Variants in PLAUR observed in about 807,000 individuals in gnomAD.
PLAUR encodes the protein plasminogen activator, urokinase receptor, also known as urokinase plasminogen activator surface receptor.
PLAUR carries 22 observed loss-of-function variants against 33.4 expected under a neutral mutation model. That is an observed-to-expected ratio of 0.66 (90% confidence interval 0.47 to 0.94). The LOEUF is 0.94. Ranked by LOEUF, PLAUR falls within the 40% of genes least tolerant of loss-of-function variation. PLAUR has a pLI of 0.00. For missense variants in PLAUR, 408 were observed against 434.7 expected, an observed-to-expected ratio of 0.94 and a Z score of 0.55; for synonymous variants, 148 against 167.3, an observed-to-expected ratio of 0.88 and a Z score of 0.89.
rs34689348 is a variant in PLAUR, at chr19:43,655,276, C to CAAAA, written c.607+159_607+162dup. Among the ~76,000 whole-genome samples, 166 of 66,166 alleles carry CAAAA rather than the reference C, an allele frequency of 2.5e-3. 5 individuals carry two copies. Among genetic ancestry groups the CAAAA allele is most frequent in the African/African-American group, 9.1e-3 (151 of 16,680 alleles). 43.4% of individuals were successfully genotyped at this position (66,166 alleles called of 152,430 possible). A position where few individuals can be genotyped will look rare whatever the true frequency, so the allele number is the denominator to read the frequency against. ...TGGGCAACAGAGTGAGACTCCGTCT[C>CAAAA]AAAAAAAAAAAAAAAAAAAAAAAGG... On this transcript the variant is annotated intron_variant, in intron 5 of 6. Transcript: ENST00000340093.
At chr19:43,669,495 G>T (rs899444817) in intron 1 of PLAUR, among the ~76,000 whole-genome samples, 6 of 152,130 alleles carry the variant, frequency 3.9e-5, no homozygotes, top group African/African-American at 1.4e-4. Context: ...CAAGGAAGAG[G>T]CTTCGAAGAA....
intron 1 of PLAUR, among the ~76,000 whole-genome samples, chr19:43,669,349 G>T (rs1967418678): frequency 6.6e-6 from 1 of 152,132 alleles, no homozygotes; most frequent in Non-Finnish European, 1.5e-5. Flanking sequence ...GGAGAGCGCT[G>T]GGGGGCGCTG....
chr19:43,649,016 G>A lies in PLAUR; in HGVS notation c.882C>T (p.Asn294=). 1 of 1,614,224 alleles carries A rather than the reference G, an allele frequency of 6.2e-7. No individual in the cohort carries two copies. The highest frequency in any genetic ancestry group is 1.1e-5 in the South Asian group (1 of 91,086). Residue 294 remains asparagine (N), a synonymous_variant, in exon 7 of 7, where the codon AAC becomes AAT. Coordinates refer to ENST00000340093, the MANE Select transcript of PLAUR (RefSeq NM_002659.4). ...GGTACTGGACATCCAGGTCTGGGTGGTTACAGCCACTTTTAGTACAGCAGG... is the reference window on the plus strand; with the variant it reads ...GGTACTGGACATCCAGGTCTGGGTGATTACAGCCACTTTTAGTACAGCAGG... ...DVSCCTKSGC[N]HPDLDVQYRS...
chr19:43,649,673 G>A (rs1015133247), intron 6 of PLAUR, among the ~76,000 whole-genome samples: 47 of 144,576 alleles, frequency 3.3e-4, no homozygotes, highest in Admixed American at 1.7e-3. Context: ...AGAAGGGAAA[G>A]AAGGAAGGAA....
chr19:43,657,925 G>T lies in PLAUR; in HGVS notation c.311-1285C>A, dbSNP rs1974278103. ...ATGCCCTTAAAGAATAGGGCTGGCT[G>T]GGTGCAGCAGCTCATGCCTGTAATC... On this transcript the variant is annotated intron_variant, in intron 3 of 6. Transcript: ENST00000340093. Among the ~76,000 whole-genome samples, 4 of 152,218 alleles carry T rather than the reference G, an allele frequency of 2.6e-5. No homozygotes were observed. In the South Asian group the frequency reaches 8.3e-4, roughly 32 times the overall value.
rs776029690 is a variant in PLAUR at position 43,665,264 on chromosome 19, G to A, written c.310+52C>T. On this transcript the variant is annotated intron_variant, in intron 3 of 6. Coordinates refer to ENST00000340093, the MANE Select transcript of PLAUR (RefSeq NM_002659.4). ...AGAATAGGATTGGGATGATGATGAGGTTGAGCTGGGGATGGCTTGGGGTTG... is the reference window on the plus strand; with the variant it reads ...AGAATAGGATTGGGATGATGATGAGATTGAGCTGGGGATGGCTTGGGGTTG... 8.8e-6 allele frequency: 14 copies of A among 1,584,220 alleles called. 1 individual carries two copies. Among genetic ancestry groups the A allele is most frequent in the South Asian group, 7.7e-5 (7 of 90,504 alleles).
At chr19:43,655,723 C>G (rs1280492362) in intron 4 of PLAUR, 150 bp from the exon 5 acceptor site, 3 of 697,240 alleles carry the variant, frequency 4.3e-6, no homozygotes, top group Admixed American at 6.3e-5. Context: ...TAGATCTTGT[C>G]GAAAACTACA....
chr19:43,653,746 A>G (rs978043636), intron 5 of PLAUR, among the ~76,000 whole-genome samples: 5 of 152,024 alleles, frequency 3.3e-5, no homozygotes, highest in South Asian at 2.1e-4. Flanking sequence ...TTGGGAGGTC[A>G]AGGCAGAAGG....
rs781086671 is a variant in PLAUR, at chr19:43,648,987, C to T, written c.911G>A (p.Ser304Asn). Reference protein sequence around the residue: ...NHPDLDVQYRSGAAPQPGPAH... With the variant: ...NHPDLDVQYRNGAAPQPGPAH... ...AGGGCCAGGCTGAGGAGCAGCCCCA[C>T]TGCGGTACTGGACATCCAGGTCTGG... Residue 304 changes from serine (S) to asparagine (N), a missense_variant, in exon 7 of 7, where the codon AGT (serine) becomes AAT (asparagine). Ser to Asn is a conservative substitution (Grantham distance 46). Transcript: ENST00000340093. The T allele has an allele frequency of 8.1e-6, 13 of 1,614,036 alleles. No homozygotes were observed. In the African/African-American group the frequency reaches 1.5e-4, roughly 18 times the overall value.
intron 5 of PLAUR, among the ~76,000 whole-genome samples, chr19:43,652,919 C>T (rs1025051686): frequency 1.1e-4 from 17 of 152,012 alleles, no homozygotes; most frequent in Admixed American, 8.5e-4. Context: ...CCAATGTTCT[C>T]GGAGTACAGG....
In PLAUR at chr19:43,667,298, T is replaced by C. The variant is rs4251816; in HGVS notation, c.166+283A>G. The C allele has an allele frequency of 1.4e-3, 653 of 481,874 alleles. 5 individuals carry two copies. Among genetic ancestry groups the C allele is most frequent in the African/African-American group, 0.011 (571 of 51,574 alleles). The allele number at this position is 481,874 out of a possible 1,614,324, so 29.8% of individuals were successfully genotyped here. ...TTCTGCATGGCGAGGAGTTGAGCTG[T>C]AGCATATGTTAATCTTCATCTGGAC... On this transcript the variant is annotated intron_variant, in intron 2 of 6. Transcript: ENST00000340093.
chr19:43,658,760 C>T (rs548850805), intron 3 of PLAUR, among the ~76,000 whole-genome samples: 2 of 152,292 alleles, frequency 1.3e-5, no homozygotes, highest in South Asian at 4.1e-4. Flanking sequence ...AACTGGCAGG[C>T]CGCTAGCTGT....
downstream of PLAUR, among the ~76,000 whole-genome samples, chr19:43,646,788 CTTTT>C (rs71169269): frequency 0.03 from 3,134 of 104,902 alleles, 52 homozygotes; most frequent in Non-Finnish European, 0.047. Flanking sequence ...TGGAAGATGT[CTTTT>C]TTTTTTTTTT....
In PLAUR at chr19:43,652,137, G is replaced by C. The variant is rs990274746; in HGVS notation, c.754+88C>G. On this transcript the variant is annotated intron_variant, in intron 6 of 6. Coordinates refer to ENST00000340093, the MANE Select transcript of PLAUR (RefSeq NM_002659.4). ...CTTTTCCACAGGGAGACCCACCACA[G>C]TTAACTCCAGCTTAACTGGAAGTCA... The C allele has an allele frequency of 3.8e-6, 6 of 1,573,064 alleles. No homozygotes were observed. The African/African-American group carries it at 4.0e-5, about 11-fold the overall frequency.
At chr19:43,649,723 A>C (rs1359428936) in intron 6 of PLAUR, among the ~76,000 whole-genome samples, 1 of 151,698 alleles carries the variant, frequency 6.6e-6, no homozygotes, top group East Asian at 1.9e-4. Flanking sequence ...AAAGGGAAAG[A>C]GAGACAGAGA....
At chr19:43,652,159 G>C in intron 6 of PLAUR, 66 bp downstream of exon 6, 1 of 1,586,036 alleles carries the variant, frequency 6.3e-7, no homozygotes, top group Non-Finnish European at 8.6e-7. Context: ...TTAACTGGAA[G>C]TCAATCTCTT....
At chr19:43,649,561 A>AAAGG (rs1477835601) in intron 6 of PLAUR, among the ~76,000 whole-genome samples, 2 of 143,618 alleles carry the variant, frequency 1.4e-5, no homozygotes, top group African/African-American at 2.5e-5. Context: ...AAAAAGAAAG[A>AAAGG]AAGGAAGGAA....
In PLAUR at chr19:43,669,809, C is replaced by CAAA. The variant is rs59728904; in HGVS notation, c.55+254_55+256dup. 4.4e-3 allele frequency among the ~76,000 whole-genome samples: 316 copies of CAAA among 71,188 alleles called. 5 individuals are homozygous for CAAA. The highest frequency in any genetic ancestry group is 0.016 in the African/African-American group (304 of 19,006). 46.7% of individuals were successfully genotyped at this position (71,188 alleles called of 152,430 possible). The stretch of plus-strand genomic sequence containing the variant: ...CCTGGGCGACAGAGTGAGACTCTGT[C>CAAA]AAAAAAAAAAAAAAAAAAAAAAAAG... On this transcript the variant is annotated intron_variant, in intron 1 of 6. Transcript: ENST00000340093.
Position 43,665,448 on chromosome 19 carries a change from G to C in PLAUR, c.178C>G (p.Leu60Val), listed in dbSNP as rs748557493. Residue 60 changes from leucine to valine, a missense_variant, in exon 3 of 7, where the codon CTG (leucine) becomes GTG (valine). Physicochemically the swap from Leu to Val is conservative, Grantham distance 32. Transcript: ENST00000340093. ...GTACAGCTTTTCTCCACCAGCTCCA[G>C]CTCTTCTCCTTCTGCAAGGAGGGGA... ...IVRLWEEGEELELVEKSCTHS... is the reference protein window; with the variant it reads ...IVRLWEEGEEVELVEKSCTHS... 1.9e-6 allele frequency: 3 copies of C among 1,612,962 alleles called. No individual in the cohort carries two copies. The South Asian group carries it at 3.3e-5, about 18-fold the overall frequency.
Sources: allele counts gnomAD v4.1 joint callset (sites outside exome capture counted in the v4.1 genomes callset), GRCh38; gene constraint gnomAD v4.1.1; transcripts MANE v1.5; gene names NCBI Gene and HGNC (gene_info 2026-07-23, HGNC 2026-07-21).